RPS6KA2: variants seen among roughly 807,000 people sequenced by gnomAD.
RPS6KA2 encodes ribosomal protein S6 kinase alpha-2.
A neutral mutation model predicts 91.8 loss-of-function variants in RPS6KA2; 42 were observed. The observed-to-expected ratio is 0.46, with a 90% confidence interval of 0.36 to 0.59. The LOEUF (loss-of-function observed/expected upper bound fraction) is 0.59. RPS6KA2 is among the 20% of genes least tolerant of loss of function. The pLI is 0.00. For missense variants in RPS6KA2, 798 were observed against 978.5 expected (o/e 0.82, Z 2.46); for synonymous variants, 414 against 393.6 (o/e 1.05, Z -0.61).
chr6:166,422,300 C>T (rs1399543657), intron 17 of RPS6KA2, among the ~76,000 whole-genome samples: 3 of 152,150 alleles, frequency 2.0e-5, no homozygotes, highest in Non-Finnish European at 4.4e-5. Flanking sequence ...GCTGCACATC[C>T]GTTCACGTCT....
intron 3 of RPS6KA2, among the ~76,000 whole-genome samples, chr6:166,526,832 A>C (rs1446281671): frequency 6.6e-6 from 1 of 152,262 alleles, no homozygotes; most frequent in Non-Finnish European, 1.5e-5. Flanking sequence ...TCAGCCCTTC[A>C]CTTTGGCATG....
At chr6:166,536,940 G>GT (rs1783498785) in intron 2 of RPS6KA2, among the ~76,000 whole-genome samples, 1 of 152,202 alleles carries the variant, frequency 6.6e-6, no homozygotes, top group Non-Finnish European at 1.5e-5. Context: ...GATTTCACTT[G>GT]TTTTCCAAAA....
At chr6:166,529,751 T>C (rs1783200270) in intron 3 of RPS6KA2, among the ~76,000 whole-genome samples, 1 of 152,246 alleles carries the variant, frequency 6.6e-6, no homozygotes, top group Admixed American at 6.5e-5. Flanking sequence ...TACAAGATGA[T>C]GATTCAGTAG....
At chr6:166,543,865 AGTGT>A (rs1378835852) in intron 1 of RPS6KA2, among the ~76,000 whole-genome samples, 4 of 126,448 alleles carry the variant, frequency 3.2e-5, no homozygotes, top group Non-Finnish European at 7.1e-5. Context: ...CACATACGTG[AGTGT>A]GTGTGAGACA....
intron 1 of RPS6KA2, among the ~76,000 whole-genome samples, chr6:166,606,224 A>G (rs908221747): frequency 6.6e-6 from 1 of 152,210 alleles, no homozygotes; most frequent in African/African-American, 2.4e-5. Context: ...ACTTCTTTTG[A>G]GACCCACAAG....
chr6:166,418,234 G>T lies in RPS6KA2; in HGVS notation c.1929C>A (p.Asp643Glu). 6.2e-7 allele frequency: 1 copy of T among 1,603,396 alleles called. No homozygotes were observed. The highest frequency in any genetic ancestry group is 8.5e-7 in the Non-Finnish European group (1 of 1,171,008). Reference sequence around the variant, plus strand: ...TGGGACATGTACTCACTTTAGCTGCGTCAGATATCGAGTCCCAGTTTCCCC... The same window carrying T: ...TGGGACATGTACTCACTTTAGCTGCTTCAGATATCGAGTCCCAGTTTCCCC... ...LSGGNWDSISDAAKDVVSKML... is the reference protein window; with the variant it reads ...LSGGNWDSISEAAKDVVSKML... The change falls in exon 19 of 21, where the codon GAC becomes GAA. Residue 643 changes from aspartate to glutamate, a missense_variant. Coordinates refer to ENST00000265678, the MANE Select transcript of RPS6KA2 (RefSeq NM_021135.6). This position sits in a 1 kb window ranked among gnomAD's most constrained non-coding sequence, Gnocchi z 4.9.
chr6:166,680,145 T>C (rs1323118711), intron 2 of RPS6KA2, among the ~76,000 whole-genome samples: 1 of 152,036 alleles, frequency 6.6e-6, no homozygotes, highest in East Asian at 1.9e-4. Flanking sequence ...TAAAGGTATG[T>C]AAACGCACCA....
chr6:166,753,974 A>C (rs1777921948), intron 2 of RPS6KA2, among the ~76,000 whole-genome samples: 2 of 152,164 alleles, frequency 1.3e-5, no homozygotes, highest in African/African-American at 4.8e-5. Flanking sequence ...CCATGCTTGA[A>C]CTTGATCTGT....
At chr6:166,617,707 A>C (rs1420832448) in intron 1 of RPS6KA2, among the ~76,000 whole-genome samples, 1 of 152,234 alleles carries the variant, frequency 6.6e-6, no homozygotes, top group Non-Finnish European at 1.5e-5. Flanking sequence ...CTAATTCCTA[A>C]GATAAAATGT....
upstream of RPS6KA2, among the ~76,000 whole-genome samples, chr6:166,632,119 T>C (rs1332395333): frequency 6.6e-6 from 1 of 151,548 alleles, no homozygotes; most frequent in African/African-American, 2.4e-5. Context: ...CCCTGGGGAG[T>C]TTTTAGACTC....
chr6:166,583,241 G>A lies in RPS6KA2; in HGVS notation c.99+43680C>T, dbSNP rs532434728. ...TTCTTGCTTGTTTAGAAAGCACACT[G>A]CCTCATCCAAGGCCCTGATGTCCAG... On this transcript the variant is annotated intron_variant, in intron 1 of 20. Transcript: ENST00000265678. Among the ~76,000 whole-genome samples, 256 of 152,202 alleles carry A rather than the reference G, an allele frequency of 1.7e-3. 1 individual carries two copies. The highest frequency in any genetic ancestry group is 5.9e-3 in the African/African-American group (244 of 41,518).
intron 1 of RPS6KA2, among the ~76,000 whole-genome samples, chr6:166,597,109 C>G (rs766603613): frequency 6.6e-6 from 1 of 152,104 alleles, no homozygotes; most frequent in Non-Finnish European, 1.5e-5. Flanking sequence ...CCCACGAAAA[C>G]GAGACCAAGT....
At chr6:166,745,113 G>A (rs1443191753) in intron 2 of RPS6KA2, among the ~76,000 whole-genome samples, 1 of 151,102 alleles carries the variant, frequency 6.6e-6, no homozygotes, top group African/African-American at 2.4e-5. Context: ...TCCTCATGTG[G>A]CCCTTTCTCT....
intron 2 of RPS6KA2, among the ~76,000 whole-genome samples, chr6:166,724,724 C>A (rs1583052460): frequency 6.6e-6 from 1 of 152,276 alleles, no homozygotes; most frequent in East Asian, 1.9e-4. Flanking sequence ...GGTGCAGGTT[C>A]CTATTCTTTT....
rs765534090 is a variant in RPS6KA2 at position 166,657,755 on chromosome 6, C to T, written c.124-118971G>A. On this transcript the variant is annotated intron_variant, in intron 2 of 21. Coordinates refer to the RPS6KA2 transcript ENST00000503859. Reference sequence around the variant, plus strand: ...TTGCCTCAGAGGTGCAGGCAGATTTCGCTCACTTGAGAGCAGGGCGAGTTC... The same window carrying T: ...TTGCCTCAGAGGTGCAGGCAGATTTTGCTCACTTGAGAGCAGGGCGAGTTC... 2.6e-5 allele frequency among the ~76,000 whole-genome samples: 4 copies of T among 152,306 alleles called. No individual in the cohort carries two copies. In the South Asian group the frequency reaches 6.2e-4, roughly 24 times the overall value.
rs556315472 is a variant in RPS6KA2 at position 166,466,431 on chromosome 6, T to C, written c.972+3410A>G. On this transcript the variant is annotated intron_variant, in intron 11 of 20. Coordinates refer to ENST00000265678, the MANE Select transcript of RPS6KA2 (RefSeq NM_021135.6). ...AAGCCCTTCTGGGCCATGCATACTT[T>C]GGAGTGGCTCCACTCTTGGCTGAGT... Among the ~76,000 whole-genome samples, 253 of 152,366 alleles carry C rather than the reference T, an allele frequency of 1.7e-3. 1 individual carries two copies. Among genetic ancestry groups the C allele is most frequent in the African/African-American group, 6.0e-3 (248 of 41,586 alleles).
intron 2 of RPS6KA2, among the ~76,000 whole-genome samples, chr6:166,678,025 A>C (rs966787158): frequency 3.9e-5 from 6 of 152,220 alleles, no homozygotes; most frequent in African/African-American, 1.2e-4. Context: ...AAAATAAGTC[A>C]TTTTTAAAGC....
At chr6:166,727,201 A>C (rs1024083851) in intron 2 of RPS6KA2, among the ~76,000 whole-genome samples, 1 of 152,124 alleles carries the variant, frequency 6.6e-6, no homozygotes, top group African/African-American at 2.4e-5. Flanking sequence ...CACACCTCAC[A>C]TGTCGTTCAA....
At chr6:166,420,860 T>TC (rs1258566970) in intron 17 of RPS6KA2, among the ~76,000 whole-genome samples, 1 of 152,184 alleles carries the variant, frequency 6.6e-6, no homozygotes, top group Non-Finnish European at 1.5e-5. Flanking sequence ...TAGAGGGCAA[T>TC]CCTCTGATAT....
Sources: allele counts gnomAD v4.1 joint callset (sites outside exome capture counted in the v4.1 genomes callset), GRCh38; gene constraint gnomAD v4.1.1; non-coding constraint Gnocchi (gnomAD v3.1); transcripts MANE v1.5; gene names NCBI Gene and HGNC (gene_info 2026-07-23, HGNC 2026-07-21).